Variants in P2RX2 observed in about 807,000 individuals in gnomAD.
The protein encoded by P2RX2 is P2X purinoceptor 2.
A neutral mutation model predicts 54.8 loss-of-function variants in P2RX2; 50 were observed. The ratio of observed to expected loss-of-function variants is 0.91; its 90% CI spans 0.73 to 1.15. The LOEUF is 1.15. Among genes scored for constraint, P2RX2 ranks in the 50% most tolerant of loss-of-function variants. P2RX2 has a pLI of 0.00. For missense variants in P2RX2, 658 were observed against 633.2 expected, an observed-to-expected ratio of 1.04 and a Z score of -0.42; for synonymous variants, 289 against 259.4, an observed-to-expected ratio of 1.11 and a Z score of -1.09.
chr12:132,620,180 G>T, intron 5 of P2RX2, 84 bp downstream of exon 5: 1 of 1,498,692 alleles, frequency 6.7e-7, no homozygotes. Flanking sequence ...GGGCAGGAGT[G>T]ACAAGATCTG....
At position 132,621,537 on chromosome 12, in the gene P2RX2, G is replaced by T; in HGVS notation, c.1059G>T (p.Gly353=). 1.3e-6 allele frequency: 2 copies of T among 1,576,186 alleles called. No individual in the cohort carries two copies. The highest frequency in any genetic ancestry group is 1.7e-6 in the Non-Finnish European group (2 of 1,159,364). ...TGGCCACAGCTCTGACTTCCGTCGG[G>T]GTGGTAAGGAACCCTCTCTGGGGTC... ...INLATALTSV[G]VGSFLCDWIL... is the part of the protein sequence containing the mutation. The change falls in exon 10 of 11, where the codon GGG becomes GGT. Residue 353 remains glycine, a synonymous_variant. Transcript: ENST00000643471.
Position 132,619,914 on chromosome 12 carries a change from G to GA in P2RX2, c.455dup (p.Asn152LysfsTer120), listed in dbSNP as rs1343669293. On this transcript the variant is annotated frameshift_variant, in exon 4 of 11. Transcript: ENST00000643471. LOFTEE classifies it high-confidence loss of function. ...GTGGCTGGGGAGCTGGACATGCTGGGAAACGGTCGGTGTGCGCCAGCTGGG... is the reference window on the plus strand; with the variant it reads ...GTGGCTGGGGAGCTGGACATGCTGGGAAAACGGTCGGTGTGCGCCAGCTGGG... 1 of 1,287,542 alleles carries GA rather than the reference G, an allele frequency of 7.8e-7. No homozygotes were observed. The highest frequency in any genetic ancestry group is 1.5e-5 in the African/African-American group (1 of 66,496). 79.8% of individuals were successfully genotyped at this position (1,287,542 alleles called of 1,614,324 possible). A position where few individuals can be genotyped will look rare whatever the true frequency, so the allele number is the denominator to read the frequency against.
In P2RX2 at chr12:132,619,884, A is replaced by G; in HGVS notation, c.422A>G (p.Asp141Gly). 1 of 1,609,978 alleles carries G rather than the reference A, an allele frequency of 6.2e-7. No individual in the cohort carries two copies. Among genetic ancestry groups the G allele is most frequent in the Non-Finnish European group, 8.5e-7 (1 of 1,178,960 alleles). The part of the protein sequence containing the change: ...VHNATCLSDA[D>G]CVAGELDMLG... ...AACGCCACCTGCCTCTCCGACGCCG[A>G]CTGCGTGGCTGGGGAGCTGGACATG... The change falls in exon 4 of 11, where the codon GAC becomes GGC. Residue 141 changes from aspartate to glycine, a missense_variant. By Grantham distance (94) the Asp-to-Gly change is moderately conservative (BLOSUM62 -1). Transcript: ENST00000643471.
Position 132,622,212 on chromosome 12 carries a change from T to C in P2RX2, c.*240T>C, listed in dbSNP as rs1031858600. The C allele has an allele frequency of 1.4e-6, 2 of 1,391,348 alleles. No individual in the cohort carries two copies. The highest frequency in any genetic ancestry group is 6.6e-5 in the Admixed American group (2 of 30,284). 86.2% of individuals were successfully genotyped at this position (1,391,348 alleles called of 1,614,324 possible). On this transcript the variant is annotated 3_prime_UTR_variant, in exon 11 of 11. Transcript: ENST00000643471. ...TCCCTACAGGGCTGCTCACTTCCCATCACCTCTCACAGCCACCTGGAACCC... is the reference window on the plus strand; with the variant it reads ...TCCCTACAGGGCTGCTCACTTCCCACCACCTCTCACAGCCACCTGGAACCC...
rs1048864712 is a variant in P2RX2, at chr12:132,620,111, C to T, written c.554+15C>T. ...GCCTCTGTCAGGTGCACCTGCGCCC[C>T]GGCCTGGGGCCCAGCCTCCCCTCTG... On this transcript the variant is annotated intron_variant, in intron 5 of 10. Coordinates refer to ENST00000643471, the MANE Select transcript of P2RX2 (RefSeq NM_170682.4). 10 of 1,555,020 alleles carry T rather than the reference C, an allele frequency of 6.4e-6. No homozygotes were observed. Among genetic ancestry groups the T allele is most frequent in the Non-Finnish European group, 4.4e-6 (5 of 1,147,422 alleles).
At chr12:132,619,963 C>G (rs957130719) in intron 4 of P2RX2, 37 bp from the exon 5 acceptor site, 1 of 1,571,882 alleles carries the variant, frequency 6.4e-7, no homozygotes, top group Non-Finnish European at 8.6e-7. Flanking sequence ...GGCAGGGCTG[C>G]GTCCCCGCTA....
In P2RX2 at chr12:132,619,849, A is replaced by G. The variant is rs758644003; in HGVS notation, c.387A>G (p.Ile129Met). The G allele has an allele frequency of 6.2e-7, 1 of 1,611,070 alleles. No individual in the cohort carries two copies. Among genetic ancestry groups the G allele is most frequent in the Non-Finnish European group, 8.5e-7 (1 of 1,179,426 alleles). ...SQTQGTCPES[I>M]RVHNATCLSD... ...CTGGGCCGCCTCCACCCTAGAGCAT[A>G]AGGGTCCACAACGCCACCTGCCTCT... The change falls in exon 4 of 11, where the codon ATA becomes ATG. Residue 129 changes from isoleucine to methionine, a missense_variant. Coordinates refer to ENST00000643471, the MANE Select transcript of P2RX2 (RefSeq NM_170682.4).
At chr12:132,621,440 TCAGA>T (rs748539033) in intron 9 of P2RX2, 31 bp from the exon 10 acceptor site, 1 of 1,578,346 alleles carries the variant, frequency 6.3e-7, no homozygotes, top group East Asian at 2.2e-5. Flanking sequence ...TCAGACGCCG[TCAGA>T]CATTCTGACC....
At chr12:132,620,175 G>A in intron 5 of P2RX2, 79 bp downstream of exon 5, 2 of 1,498,564 alleles carry the variant, frequency 1.3e-6, no homozygotes, top group Non-Finnish European at 9.2e-7. Context: ...GGGCGGGGCA[G>A]GAGTGACAAG....
Position 132,619,769 on chromosome 12 carries a change from G to T in P2RX2, c.381+19G>T. On this transcript the variant is annotated intron_variant, in intron 3 of 10. Coordinates refer to ENST00000643471, the MANE Select transcript of P2RX2 (RefSeq NM_170682.4). ...CCCCGAGGTGAGGGGATCCCGCGGC[G>T]CTGGGGGACCCCGCCTCAGCTAGGC... 1 of 1,610,256 alleles carries T rather than the reference G, an allele frequency of 6.2e-7. No individual in the cohort carries two copies. The highest frequency in any genetic ancestry group is 8.5e-7 in the Non-Finnish European group (1 of 1,178,668).
At chr12:132,620,170 G>T (rs2041593644) in intron 5 of P2RX2, 74 bp downstream of exon 5, 1 of 1,504,332 alleles carries the variant, frequency 6.6e-7, no homozygotes, top group African/African-American at 1.4e-5. Flanking sequence ...CAAACGGGCG[G>T]GGCAGGAGTG....
chr12:132,619,968 C>T lies in P2RX2; in HGVS notation c.458-32C>T, dbSNP rs1181780882. On this transcript the variant is annotated intron_variant, in intron 4 of 10. Transcript: ENST00000643471. The stretch of plus-strand genomic sequence containing the variant: ...GGGCGGGTGGGGCAGGGCTGCGTCC[C>T]CGCTAATGCCTCAGTGACCTCTGCC... The T allele has an allele frequency of 3.2e-6, 5 of 1,574,868 alleles. No individual in the cohort carries two copies. In the African/African-American group the frequency reaches 4.0e-5, roughly 13 times the overall value.
chr12:132,621,990 T>C lies in P2RX2; in HGVS notation c.*18T>C, dbSNP rs1210818039. Reference sequence around the variant, plus strand: ...AACTCTGAGCTCCTTTCCATCTCACTGGACTGCAGACCCGGCCTGGTGGGG... The same window carrying C: ...AACTCTGAGCTCCTTTCCATCTCACCGGACTGCAGACCCGGCCTGGTGGGG... On this transcript the variant is annotated 3_prime_UTR_variant, in exon 11 of 11. Transcript: ENST00000643471. The C allele has an allele frequency of 3.7e-6, 6 of 1,613,316 alleles. No homozygotes were observed. In the East Asian group the frequency reaches 6.7e-5, roughly 18 times the overall value.
chr12:132,620,227 C>T (rs374660957), intron 5 of P2RX2, 40 bp from the exon 6 acceptor site: 22 of 1,577,086 alleles, frequency 1.4e-5, no homozygotes, highest in African/African-American at 4.0e-5. Context: ...GGGGGCTTTG[C>T]GGGAAGAGGG....
chr12:132,619,658 G>A (rs753961414), intron 2 of P2RX2, 21 bp from the exon 3 acceptor site: 54 of 1,582,798 alleles, frequency 3.4e-5, no homozygotes, highest in Non-Finnish European at 3.9e-5. Flanking sequence ...CTGGCCGACC[G>A]CCCCCTCTTT....
Position 132,622,052 on chromosome 12 carries a change from T to C in P2RX2, c.*80T>C. On this transcript the variant is annotated 3_prime_UTR_variant, in exon 11 of 11. Coordinates refer to ENST00000643471, the MANE Select transcript of P2RX2 (RefSeq NM_170682.4). ...CCAGCTAGGGACCTGCACGTGGACG[T>C]GGGCACCTCAGTAGCGGAGCATCTC... 6.3e-7 allele frequency: 1 copy of C among 1,595,138 alleles called. No homozygotes were observed. Among genetic ancestry groups the C allele is most frequent in the Admixed American group, 1.7e-5 (1 of 57,592 alleles).
chr12:132,619,354 T>G (rs1457560917), intron 1 of P2RX2, 85 bp from the exon 2 acceptor site: 2 of 1,491,226 alleles, frequency 1.3e-6, no homozygotes, highest in Admixed American at 1.8e-5. Flanking sequence ...CGGACCCGGG[T>G]CGCGGGAGGG....
rs2041698477 is a variant in P2RX2 at position 132,621,747 on chromosome 12, T to G, written c.1191T>G (p.Arg397=). 4.4e-6 allele frequency: 7 copies of G among 1,608,142 alleles called. No homozygotes were observed. Among genetic ancestry groups the G allele is most frequent in the Non-Finnish European group, 5.9e-6 (7 of 1,176,776 alleles). Residue 397 remains arginine, a synonymous_variant, in exon 11 of 11, where the codon CGT becomes CGG. Coordinates refer to ENST00000643471, the MANE Select transcript of P2RX2 (RefSeq NM_170682.4). ...GTAGCTGGCCTGTGACCCTTGCCCG[T>G]GTATTGGGCCAGGCCCCTCCCGAAC... ...PSGSWPVTLA[R]VLGQAPPEPG... is the part of the protein sequence containing the mutation.
chr12:132,619,559 C>A lies in P2RX2; in HGVS notation c.294C>A (p.Tyr98Ter), dbSNP rs371733590. 10 of 1,611,344 alleles carry A rather than the reference C, an allele frequency of 6.2e-6. No individual in the cohort carries two copies. The highest frequency in any genetic ancestry group is 3.3e-5 in the Admixed American group (2 of 59,930). Residue 98 changes from tyrosine to a stop codon, truncating the protein, a stop_gained, in exon 2 of 11, where the codon TAC becomes TAA. Transcript: ENST00000643471. LOFTEE classifies it high-confidence loss of function. ...SEHKVWDVEE[Y>*]VKPPEGGSVF... ...ACAAAGTGTGGGACGTGGAGGAGTACGTGAAGCCCCCCGAGGTGCGGGCCG... is the reference window on the plus strand; with the variant it reads ...ACAAAGTGTGGGACGTGGAGGAGTAAGTGAAGCCCCCCGAGGTGCGGGCCG...
Sources: allele counts gnomAD v4.1 joint callset, GRCh38; gene constraint gnomAD v4.1.1; transcripts MANE v1.5; gene names NCBI Gene and HGNC (gene_info 2026-07-23, HGNC 2026-07-21).